The following GRAMD1C variants were observed in gnomAD, a reference collection of about 807,000 sequenced individuals.
The protein encoded by GRAMD1C is protein Aster-C.
GRAMD1C carries 89 observed loss-of-function variants against 97.8 expected under a neutral mutation model. The ratio of observed to expected loss-of-function variants is 0.91; its 90% confidence interval spans 0.77 to 1.09. The LOEUF is 1.09. Ranked by LOEUF, GRAMD1C falls within the 50% of genes least tolerant of loss-of-function variation. The probability of loss-of-function intolerance (pLI) is 0.00; values close to 1 mark genes in which losing one functional copy is unlikely to be tolerated. For missense variants in GRAMD1C, 740 were observed against 766.4 expected (o/e 0.97, Z 0.41); for synonymous variants, 256 against 267.0 (o/e 0.96, Z 0.40).
At chr3:113,911,992 G>T (rs888071862) in intron 9 of GRAMD1C, among the ~76,000 whole-genome samples, 2 of 152,146 alleles carry the variant, frequency 1.3e-5, no homozygotes, top group Admixed American at 1.3e-4. Context: ...CTCCCAAAAT[G>T]CTGGGACTAC....
At chr3:113,912,717 A>G (rs1395476120) in intron 9 of GRAMD1C, among the ~76,000 whole-genome samples, 1 of 151,880 alleles carries the variant, frequency 6.6e-6, no homozygotes, top group Non-Finnish European at 1.5e-5. Context: ...CTGGGCGACA[A>G]AAGAGCCAGA....
At chr3:113,926,758 T>TC (rs1351986253) in intron 10 of GRAMD1C, among the ~76,000 whole-genome samples, 1 of 152,134 alleles carries the variant, frequency 6.6e-6, no homozygotes, top group Non-Finnish European at 1.5e-5. Flanking sequence ...TTCTGGAAGA[T>TC]TTCAGGGGGC....
chr3:113,885,511 C>A, intron 6 of GRAMD1C: 2 of 1,606,580 alleles, frequency 1.2e-6, no homozygotes, highest in Non-Finnish European at 8.5e-7. Context: ...GGATGAGACA[C>A]TTATTCACTC....
chr3:113,944,300 C>T lies in GRAMD1C; in HGVS notation c.1909-1098C>T, dbSNP rs73856217. The stretch of plus-strand genomic sequence containing the variant: ...AGAGCACTAATCCATTCATAGGAGC[C>T]GTCATGACCTAATCACCTCCCAGAG... On this transcript the variant is annotated intron_variant, in intron 17 of 17. Transcript: ENST00000358160. Among the ~76,000 whole-genome samples the T allele has an allele frequency of 7.3e-3, 1,106 of 152,272 alleles. 13 individuals are homozygous for T. The highest frequency in any genetic ancestry group is 0.026 in the African/African-American group (1,072 of 41,544).
chr3:113,906,931 G>C (rs183745969), intron 8 of GRAMD1C, among the ~76,000 whole-genome samples: 27 of 152,328 alleles, frequency 1.8e-4, no homozygotes, highest in Non-Finnish European at 3.2e-4. Flanking sequence ...GTATTCAGTA[G>C]AGTAACATGC....
At chr3:113,919,526 CAG>C (rs1936959651) in intron 10 of GRAMD1C, 1 of 547,374 alleles carries the variant, frequency 1.8e-6, no homozygotes, top group African/African-American at 1.9e-5. Context: ...AGAACTGACT[CAG>C]AGAAGAAGTT....
chr3:113,874,251 C>T (rs1934939857), intron 3 of GRAMD1C, among the ~76,000 whole-genome samples: 1 of 152,170 alleles, frequency 6.6e-6, no homozygotes, highest in Non-Finnish European at 1.5e-5. Context: ...TTTAGCAGTA[C>T]AGTTTACATT....
chr3:113,850,300 CACAG>C (rs1287276720), intron 2 of GRAMD1C: 1 of 699,522 alleles, frequency 1.4e-6, no homozygotes, highest in Non-Finnish European at 2.7e-6. Context: ...CGGTTGCTGA[CACAG>C]CCCCAGCCTC....
intron 2 of GRAMD1C, among the ~76,000 whole-genome samples, chr3:113,846,696 T>C (rs1226226954): frequency 3.9e-5 from 6 of 152,180 alleles, no homozygotes; most frequent in Admixed American, 3.9e-4. Flanking sequence ...TCAGACTTAC[T>C]GGATCACAAT....
upstream of GRAMD1C, among the ~76,000 whole-genome samples, chr3:113,835,492 G>C (rs1306132845): frequency 1.3e-5 from 2 of 152,206 alleles, no homozygotes; most frequent in African/African-American, 4.8e-5. Flanking sequence ...CTCAGTGAAA[G>C]GGTGTTAGAA....
At chr3:113,911,184 A>ACACACACACACACACACACG (rs1005105896) in intron 9 of GRAMD1C, among the ~76,000 whole-genome samples, 1 of 151,334 alleles carries the variant, frequency 6.6e-6, no homozygotes, top group African/African-American at 2.4e-5. Flanking sequence ...ACACACACAC[A>ACACACACACACACACACACG]CACACGCACA....
At position 113,875,572 on chromosome 3, in the gene GRAMD1C, C is replaced by T; in HGVS notation, c.348C>T (p.Phe116=). ...ENWLCFYSNI[F]RWETTISIAL... The stretch of plus-strand genomic sequence containing the variant: ...GGCTATGTTTCTATAGCAACATCTT[C>T]AGATGGGAAACTACAGTAAGACATT... The change falls in exon 4 of 18, where the codon TTC becomes TTT. Residue 116 remains phenylalanine, a synonymous_variant. Coordinates refer to ENST00000358160, the MANE Select transcript of GRAMD1C (RefSeq NM_017577.5). 7.0e-7 allele frequency: 1 copy of T among 1,431,446 alleles called. No individual in the cohort carries two copies. The highest frequency in any genetic ancestry group is 2.3e-5 in the East Asian group (1 of 44,108). 88.7% of individuals were successfully genotyped at this position (1,431,446 alleles called of 1,614,324 possible).
Position 113,945,521 on chromosome 3 carries a change from G to C in GRAMD1C, c.*43G>C, listed in dbSNP as rs1428575984. The C allele has an allele frequency of 7.0e-6, 7 of 996,418 alleles. No homozygotes were observed. Among genetic ancestry groups the C allele is most frequent in the Non-Finnish European group, 1.1e-5 (7 of 645,776 alleles). The allele number at this position is 996,418 out of a possible 1,614,324, so 61.7% of individuals were successfully genotyped here. A position where few individuals can be genotyped will look rare whatever the true frequency, so the allele number is the denominator to read the frequency against. ...ACCGCAGAGATACTTGGAACTTAAA[G>C]AAAATACCTGGAAGAAAACCAGACG... On this transcript the variant is annotated 3_prime_UTR_variant, in exon 18 of 18. Transcript: ENST00000358160.
intron 10 of GRAMD1C, among the ~76,000 whole-genome samples, chr3:113,925,214 G>T (rs774138685): frequency 3.9e-5 from 6 of 152,136 alleles, no homozygotes; most frequent in Non-Finnish European, 7.4e-5. Context: ...AGTTGTCTGG[G>T]CACGGGGGCT....
rs1262986718 is a variant in GRAMD1C, at chr3:113,946,888, A to C, written c.*1410A>C. On this transcript the variant is annotated 3_prime_UTR_variant, in exon 18 of 18. Transcript: ENST00000358160. ...CATACCTAGGGGTAACAGTGAACCT[A>C]CCTGGGTTTGTTTTGTTTTGGTAAG... 1 of 152,174 alleles carries C rather than the reference A, an allele frequency of 6.6e-6. No individual in the cohort carries two copies. The highest frequency in any genetic ancestry group is 2.4e-5 in the African/African-American group (1 of 41,432). The allele number at this position is 152,174 out of a possible 1,614,324, so 9.4% of individuals were successfully genotyped here. A position where few individuals can be genotyped will look rare whatever the true frequency, so the allele number is the denominator to read the frequency against.
At chr3:113,850,398 G>C in intron 2 of GRAMD1C, 1 of 899,130 alleles carries the variant, frequency 1.1e-6, no homozygotes, top group African/African-American at 1.6e-5. Context: ...CTTGCAGGTC[G>C]CTCACCCTCC....
At chr3:113,881,141 T>C (rs890022059) in intron 5 of GRAMD1C, among the ~76,000 whole-genome samples, 17 of 152,144 alleles carry the variant, frequency 1.1e-4, no homozygotes, top group Non-Finnish European at 1.9e-4. Flanking sequence ...AAGATTAATT[T>C]AATTTAATTT....
rs1936150758 is a variant in GRAMD1C at position 113,901,087 on chromosome 3, AG to A, written c.599del (p.Gly200ValfsTer2). 6.2e-7 allele frequency: 1 copy of A among 1,611,498 alleles called. No individual in the cohort carries two copies. Among genetic ancestry groups the A allele is most frequent in the Non-Finnish European group, 8.5e-7 (1 of 1,177,824 alleles). On this transcript the variant is annotated frameshift_variant, in exon 7 of 18. Coordinates refer to ENST00000358160, the MANE Select transcript of GRAMD1C (RefSeq NM_017577.5). LOFTEE classifies it high-confidence loss of function. The stretch of plus-strand genomic sequence containing the variant: ...TCCAGCAGAACTATGGCACTGAGCT[AG>A]GTTTAAATGCTGAGGAGATGGAAAA... ...LLQQNYGTEL[G>X]LNAEEMENLS... is the part of the protein sequence containing the mutation.
At chr3:113,853,646 G>A (rs938945646) in intron 2 of GRAMD1C, among the ~76,000 whole-genome samples, 1 of 152,190 alleles carries the variant, frequency 6.6e-6, no homozygotes, top group African/African-American at 2.4e-5. Flanking sequence ...AATGTTCTAA[G>A]TGAACAGGAC....
Sources: gnomAD v4.1 joint callset for allele counts (sites outside exome capture counted in the v4.1 genomes callset) on GRCh38, gnomAD v4.1.1 for gene constraint, MANE v1.5 for transcripts, NCBI Gene and HGNC (gene_info 2026-07-23, HGNC 2026-07-21) for gene names.